The following GATD1 variants were observed in gnomAD, a reference collection of about 807,000 sequenced individuals.
The protein encoded by GATD1 is glutamine amidotransferase class 1 domain containing 1, also known as glutamine amidotransferase-like class 1 domain-containing protein 1.
In GATD1, 23 loss-of-function variants were observed where a neutral mutation model predicts 25.9. The observed-to-expected ratio is 0.89, with a 90% CI of 0.64 to 1.26. GATD1 has a LOEUF of 1.26. Among genes scored for constraint, GATD1 ranks in the 50% most tolerant of loss-of-function variants. The probability of loss-of-function intolerance (pLI) is 0.00; values close to 1 mark genes in which losing one functional copy is unlikely to be tolerated. For missense variants in GATD1, 347 were observed against 312.5 expected (o/e 1.11, Z -0.83); for synonymous variants, 177 against 134.6 (o/e 1.31, Z -2.18).
chr11:777,453 C>G lies in GATD1; in HGVS notation c.10G>C (p.Glu4Gln). ...CAGGCGGGCCTGTTAGGGAGCCGCT[C>G]GGACGCCATGGCTCGGGCTCGGCGC... is the stretch of plus-strand genomic sequence containing the variant. MASERLPNRPACLL... is the reference protein window; with the variant it reads MASQRLPNRPACLL... Residue 4 changes from glutamate to glutamine, a missense_variant, in exon 1 of 8, where the codon GAG becomes CAG. By Grantham distance (29) the Glu-to-Gln change is conservative. Coordinates refer to ENST00000319863, the MANE Select transcript of GATD1 (RefSeq NM_182612.4). 8.0e-7 allele frequency: 1 copy of G among 1,250,006 alleles called. No individual in the cohort carries two copies. Among genetic ancestry groups the G allele is most frequent in the Non-Finnish European group, 1.0e-6 (1 of 996,972 alleles). 77.4% of individuals were successfully genotyped at this position (1,250,006 alleles called of 1,614,324 possible).
In GATD1 at chr11:770,104, C is replaced by T. The variant is rs1321142095; in HGVS notation, c.*793G>A. 9 of 1,219,980 alleles carry T rather than the reference C, an allele frequency of 7.4e-6. No homozygotes were observed. The highest frequency in any genetic ancestry group is 9.2e-6 in the Non-Finnish European group (9 of 980,042). The allele number at this position is 1,219,980 out of a possible 1,614,324, so 75.6% of individuals were successfully genotyped here. A position where few individuals can be genotyped will look rare whatever the true frequency, so the allele number is the denominator to read the frequency against. ...CTCTCCTGGACGCCCTAACCTGGGG[C>T]CAGGGGGCAGCCCGCTGGAGGGCCA... On this transcript the variant is annotated 3_prime_UTR_variant, in exon 8 of 8. Coordinates refer to ENST00000319863, the MANE Select transcript of GATD1 (RefSeq NM_182612.4).
Position 773,696 on chromosome 11 carries a change from C to T in GATD1, c.248-67G>A, listed in dbSNP as rs545412967. On this transcript the variant is annotated intron_variant, in intron 3 of 7. Coordinates refer to ENST00000319863, the MANE Select transcript of GATD1 (RefSeq NM_182612.4). ...GTGAGACTACCTGCAGGACCAGGCC[C>T]GAGTGCGTGGCCAGGACAGACCCTC... is the stretch of plus-strand genomic sequence containing the variant. The T allele has an allele frequency of 7.8e-5, 97 of 1,241,264 alleles. No homozygotes were observed. In the South Asian group the frequency reaches 1.0e-3, roughly 13 times the overall value. 76.9% of individuals were successfully genotyped at this position (1,241,264 alleles called of 1,614,324 possible).
intron 5 of GATD1, 60 bp downstream of exon 5, chr11:772,367 G>A (rs1863532684): frequency 8.7e-7 from 1 of 1,144,078 alleles, no homozygotes; most frequent in African/African-American, 1.5e-5. Flanking sequence ...CCTCACCTCT[G>A]GCTGTGATGG....
chr11:771,147 C>A, intron 6 of GATD1, 43 bp from the exon 7 acceptor site: 1 of 1,554,408 alleles, frequency 6.4e-7, no homozygotes, highest in Non-Finnish European at 8.7e-7. Context: ...ATGTCCACCT[C>A]ACCCACTGAG....
chr11:775,252 C>T, intron 1 of GATD1, 110 bp from the exon 2 acceptor site: 2 of 846,928 alleles, frequency 2.4e-6, no homozygotes, highest in Admixed American at 2.4e-5. Context: ...CGCTGAGGAG[C>T]AGCCCTCTCC....
intron 4 of GATD1, chr11:773,277 A>G: frequency 2.1e-6 from 1 of 479,060 alleles, no homozygotes; most frequent in Non-Finnish European, 3.7e-6. Context: ...TCAGGAGGGC[A>G]TGGCCACCCA....
intron 6 of GATD1, 63 bp from the exon 7 acceptor site, chr11:771,167 C>T (rs1295021785): frequency 6.5e-7 from 1 of 1,546,446 alleles, no homozygotes; most frequent in Admixed American, 2.0e-5. Flanking sequence ...GAGCCTCGAA[C>T]TCCAGGCGGG....
Position 775,109 on chromosome 11 carries a change from G to C in GATD1, c.98C>G (p.Thr33Arg). The C allele has an allele frequency of 6.2e-7, 1 of 1,605,838 alleles. No individual in the cohort carries two copies. The highest frequency in any genetic ancestry group is 8.5e-7 in the Non-Finnish European group (1 of 1,177,258). The change falls in exon 2 of 8, where the codon ACG becomes AGG. Residue 33 changes from threonine (T) to arginine (R), a missense_variant. Physicochemically the swap from Thr to Arg is moderately conservative, Grantham distance 71. Coordinates refer to ENST00000319863, the MANE Select transcript of GATD1 (RefSeq NM_182612.4). ...CAGGTTGAAGGCGGTGCTGGCCATC[G>C]TGAAACAGTGGAGGAAGGACTGGGC... ...VSAQSFLHCF[T>R]MASTAFNLQV...
Position 769,172 on chromosome 11 carries a change from G to C in GATD1, c.*1725C>G, listed in dbSNP as rs1284050822. The C allele has an allele frequency of 1.5e-5, 15 of 985,296 alleles. No homozygotes were observed. Among genetic ancestry groups the C allele is most frequent in the Non-Finnish European group, 1.8e-5 (15 of 829,966 alleles). The allele number at this position is 985,296 out of a possible 1,614,324, so 61.0% of individuals were successfully genotyped here. A position where few individuals can be genotyped will look rare whatever the true frequency, so the allele number is the denominator to read the frequency against. ...CCACACGGGGATGAGAGTGGACCCG[G>C]GACAGAGCAAGGCCCCGTGGCCAGT... On this transcript the variant is annotated 3_prime_UTR_variant, in exon 8 of 8. Transcript: ENST00000319863.
At chr11:777,349 G>T in intron 1 of GATD1, 50 bp downstream of exon 1, 4 of 1,247,106 alleles carry the variant, frequency 3.2e-6, no homozygotes, top group South Asian at 2.5e-5. Flanking sequence ...GCCCCGGGCA[G>T]CCCCCTCGCG....
At chr11:773,455 G>T (rs978107167) in intron 4 of GATD1, 67 bp downstream of exon 4, 56 of 1,314,986 alleles carry the variant, frequency 4.3e-5, no homozygotes, top group Non-Finnish European at 5.7e-5. Context: ...CTCTTCTGCT[G>T]GTGGGAGACC....
At chr11:773,698 A>G (rs1400397290) in intron 3 of GATD1, 69 bp from the exon 4 acceptor site, 6 of 1,217,176 alleles carry the variant, frequency 4.9e-6, no homozygotes, top group Non-Finnish European at 7.0e-6. Flanking sequence ...ACCAGGCCCG[A>G]GTGCGTGGCC....
chr11:767,584 A>G lies in GATD1; in HGVS notation c.*3313T>C. The G allele has an allele frequency of 7.1e-7, 1 of 1,404,964 alleles. No homozygotes were observed. Among genetic ancestry groups the G allele is most frequent in the Non-Finnish European group, 9.2e-7 (1 of 1,084,042 alleles). The allele number at this position is 1,404,964 out of a possible 1,614,324, so 87.0% of individuals were successfully genotyped here. A position where few individuals can be genotyped will look rare whatever the true frequency, so the allele number is the denominator to read the frequency against. Reference sequence around the variant, plus strand: ...CAGATCTGGCTGACCAGAGGGGCTCAATGAGGCTCACTGGCTCTTCATGCA... The same window carrying G: ...CAGATCTGGCTGACCAGAGGGGCTCGATGAGGCTCACTGGCTCTTCATGCA... On this transcript the variant is annotated 3_prime_UTR_variant, in exon 8 of 8. Transcript: ENST00000319863.
rs947410434 is a variant in GATD1, at chr11:771,404, C to T, written c.473G>A (p.Arg158Lys). Residue 158 changes from arginine to lysine, a missense_variant, in exon 6 of 8, where the codon AGG (arginine) becomes AAG (lysine). Transcript: ENST00000319863. ...CGGCAGGCGGGCGAAGCCGGGGGCCCTGACGAGCTCACACACAGAGGGCTG... is the reference window on the plus strand; with the variant it reads ...CGGCAGGCGGGCGAAGCCGGGGGCCTTGACGAGCTCACACACAGAGGGCTG... The part of the protein sequence containing the change: ...LTGPSVCELV[R>K]APGFARLPLV... 1 of 1,556,888 alleles carries T rather than the reference C, an allele frequency of 6.4e-7. No individual in the cohort carries two copies. Among genetic ancestry groups the T allele is most frequent in the Non-Finnish European group, 8.7e-7 (1 of 1,154,138 alleles).
chr11:775,034 G>C, intron 2 of GATD1, 32 bp downstream of exon 2: 6 of 1,566,520 alleles, frequency 3.8e-6, no homozygotes, highest in Non-Finnish European at 5.2e-6. Flanking sequence ...CAGACCCCAA[G>C]TGTCCAGTGG....
rs1864106032 is a variant in GATD1, at chr11:777,343, C to T, written c.64+56G>A. The T allele has an allele frequency of 6.6e-6, 8 of 1,220,676 alleles. No homozygotes were observed. The South Asian group carries it at 2.4e-4, about 36-fold the overall frequency. 75.6% of individuals were successfully genotyped at this position (1,220,676 alleles called of 1,614,324 possible). On this transcript the variant is annotated intron_variant, in intron 1 of 7. Coordinates refer to ENST00000319863, the MANE Select transcript of GATD1 (RefSeq NM_182612.4). Reference sequence around the variant, plus strand: ...CCACCGTGTCCCGAACCTCCCGCCCCGGGCAGCCCCCTCGCGGACGCTCTT... The same window carrying T: ...CCACCGTGTCCCGAACCTCCCGCCCTGGGCAGCCCCCTCGCGGACGCTCTT...
In GATD1 at chr11:767,302, C is replaced by A; in HGVS notation, c.*3595G>T. ...TATGGGGAAATCCTCACCCGCCCTC[C>A]GCTGCTCTTCTGGAGGTCTGTCCTC... On this transcript the variant is annotated 3_prime_UTR_variant, in exon 8 of 8. Coordinates refer to ENST00000319863, the MANE Select transcript of GATD1 (RefSeq NM_182612.4). The A allele has an allele frequency of 6.5e-7, 1 of 1,536,214 alleles. No individual in the cohort carries two copies.
intron 3 of GATD1, among the ~76,000 whole-genome samples, 167 bp downstream of exon 3, chr11:773,841 G>A (rs976900604): frequency 1.3e-5 from 2 of 152,172 alleles, no homozygotes; most frequent in Non-Finnish European, 2.9e-5. Context: ...CCCCAGAGGG[G>A]CTCAGAAACT....
chr11:770,886 A>G lies in GATD1; in HGVS notation c.*11T>C, dbSNP rs1420004785. On this transcript the variant is annotated 3_prime_UTR_variant, in exon 8 of 8. Coordinates refer to ENST00000319863, the MANE Select transcript of GATD1 (RefSeq NM_182612.4). ...CTGGGCTGTCTCAGGGGGTGCATCT[A>G]CCCAGCAGGTTCATTTCCTGCAGGA... 6.2e-7 allele frequency: 1 copy of G among 1,603,832 alleles called. No homozygotes were observed. Among genetic ancestry groups the G allele is most frequent in the Admixed American group, 1.7e-5 (1 of 59,642 alleles).
Sources: allele counts gnomAD v4.1 joint callset (sites outside exome capture counted in the v4.1 genomes callset), GRCh38; gene constraint gnomAD v4.1.1; transcripts MANE v1.5; gene names NCBI Gene and HGNC (gene_info 2026-07-23, HGNC 2026-07-21).